The following CPQ variants were observed in gnomAD, a reference collection of about 807,000 sequenced individuals.
The protein encoded by CPQ is Ser-Met dipeptidase.
In CPQ, 37 loss-of-function variants were observed where a neutral mutation model predicts 45.7. The observed-to-expected ratio is 0.81, with a 90% CI of 0.62 to 1.07. The LOEUF (loss-of-function observed/expected upper bound fraction) is 1.07. CPQ is among the 50% of genes least tolerant of loss of function. CPQ has a pLI of 0.00. For missense variants in CPQ, 537 were observed against 572.9 expected (o/e 0.94, Z 0.64); for synonymous variants, 186 against 205.8 (o/e 0.90, Z 0.82).
chr8:96,770,989 G>T (rs1810535738), intron 1 of CPQ, among the ~76,000 whole-genome samples: 1 of 148,612 alleles, frequency 6.7e-6, no homozygotes, highest in Non-Finnish European at 1.5e-5. Flanking sequence ...ACTGTCTTGA[G>T]CTGTTGTAAC....
At chr8:96,660,949 T>C (rs892634736) in intron 1 of CPQ, among the ~76,000 whole-genome samples, 6 of 152,208 alleles carry the variant, frequency 3.9e-5, no homozygotes, top group Non-Finnish European at 1.5e-5. Flanking sequence ...ATTTATTTTG[T>C]TTTATATGAT....
intron 1 of CPQ, among the ~76,000 whole-genome samples, chr8:96,688,944 C>T (rs1195987711): frequency 3.3e-5 from 5 of 152,120 alleles, no homozygotes; most frequent in Non-Finnish European, 7.4e-5. Context: ...TGACCATTCT[C>T]AGCATGTAGG....
intron 2 of CPQ, among the ~76,000 whole-genome samples, chr8:96,821,230 T>C (rs1221532674): frequency 1.3e-5 from 2 of 149,638 alleles, no homozygotes; most frequent in South Asian, 2.2e-4. Context: ...ATATTTTCTC[T>C]CATTCTGTGT....
chr8:96,717,024 A>AATATATATATATATATAT (rs58338307), intron 1 of CPQ, among the ~76,000 whole-genome samples: 23 of 56,570 alleles, frequency 4.1e-4, no homozygotes, highest in Non-Finnish European at 4.2e-4. Flanking sequence ...CCATGATATA[A>AATATATATATATATATAT]ATATATATAT....
chr8:96,924,227 C>A (rs1812844483), intron 4 of CPQ, among the ~76,000 whole-genome samples: 1 of 152,132 alleles, frequency 6.6e-6, no homozygotes, highest in Non-Finnish European at 1.5e-5. Context: ...TGTTACCACC[C>A]CCAACTGCCT....
intron 1 of CPQ, among the ~76,000 whole-genome samples, chr8:96,782,410 C>T (rs1435691924): frequency 6.6e-6 from 1 of 152,110 alleles, no homozygotes; most frequent in Admixed American, 6.6e-5. Context: ...ATGTGGGGAA[C>T]AGACATTTGG....
chr8:96,926,588 T>TTCTTCTTCC (rs1554578102), intron 4 of CPQ, among the ~76,000 whole-genome samples: 36 of 119,634 alleles, frequency 3.0e-4, no homozygotes, highest in African/African-American at 1.3e-3. Context: ...CTTCTTCTTC[T>TTCTTCTTCC]TCTTCTTCTT....
chr8:96,666,563 T>C (rs1808927629), intron 1 of CPQ, among the ~76,000 whole-genome samples: 1 of 151,984 alleles, frequency 6.6e-6, no homozygotes, highest in African/African-American at 2.4e-5. Context: ...AGGACTACCC[T>C]AAAGAAAATA....
intron 7 of CPQ, among the ~76,000 whole-genome samples, chr8:97,079,577 A>G (rs996765955): frequency 1.3e-5 from 2 of 152,168 alleles, no homozygotes; most frequent in Non-Finnish European, 2.9e-5. Flanking sequence ...ATTAACATAT[A>G]CAGTCTGTTT....
chr8:97,059,864 G>T (rs1016349983), intron 6 of CPQ, among the ~76,000 whole-genome samples: 1 of 152,146 alleles, frequency 6.6e-6, no homozygotes, highest in African/African-American at 2.4e-5. Flanking sequence ...AAAATTGATT[G>T]CCCTGTGTCA....
At position 96,920,992 on chromosome 8, in the gene CPQ, A is replaced by T. The variant is rs577516653; in HGVS notation, c.849+40987A>T. Among the ~76,000 whole-genome samples the T allele has an allele frequency of 2.0e-5, 3 of 152,234 alleles. No homozygotes were observed. The East Asian group carries it at 5.8e-4, about 29-fold the overall frequency. The stretch of plus-strand genomic sequence containing the variant: ...AGCAAAATTTAGACTGGAATTTCTG[A>T]TTTATTTTATTCTGTATAGCTTATA... On this transcript the variant is annotated intron_variant, in intron 4 of 7. Coordinates refer to ENST00000220763, the MANE Select transcript of CPQ (RefSeq NM_016134.4).
intron 4 of CPQ, among the ~76,000 whole-genome samples, chr8:96,937,678 C>T (rs1023475875): frequency 6.6e-6 from 1 of 152,122 alleles, no homozygotes; most frequent in Non-Finnish European, 1.5e-5. Context: ...AGGATCCAGC[C>T]GACAGTCCAG....
chr8:96,738,858 C>T (rs1022505249), intron 1 of CPQ, among the ~76,000 whole-genome samples: 2 of 151,988 alleles, frequency 1.3e-5, no homozygotes, highest in African/African-American at 4.8e-5. Flanking sequence ...TCCAGTCTAT[C>T]ATTGTTGGAC....
At chr8:96,876,720 T>C (rs1439519280) in intron 3 of CPQ, among the ~76,000 whole-genome samples, 1 of 152,220 alleles carries the variant, frequency 6.6e-6, no homozygotes, top group African/African-American at 2.4e-5. Flanking sequence ...TAAAATAGTA[T>C]ATTACATCAA....
intron 2 of CPQ, among the ~76,000 whole-genome samples, chr8:96,816,804 G>T (rs1811234204): frequency 6.6e-6 from 1 of 152,042 alleles, no homozygotes; most frequent in Non-Finnish European, 1.5e-5. Flanking sequence ...GTAATATTTT[G>T]AAAGGATTTT....
chr8:96,802,177 T>G (rs1811014509), intron 2 of CPQ, among the ~76,000 whole-genome samples: 1 of 152,158 alleles, frequency 6.6e-6, no homozygotes, highest in Non-Finnish European at 1.5e-5. Flanking sequence ...CTCTCCTAGT[T>G]TCTGGTTCAT....
intron 5 of CPQ, among the ~76,000 whole-genome samples, chr8:96,982,855 A>G (rs1216488043): frequency 6.6e-6 from 1 of 152,242 alleles, no homozygotes; most frequent in Non-Finnish European, 1.5e-5. Context: ...CACAACTTGC[A>G]AAACTAGAAA....
At chr8:96,768,377 AGCTGC>A (rs1810496264) in intron 1 of CPQ, among the ~76,000 whole-genome samples, 1 of 151,530 alleles carries the variant, frequency 6.6e-6, no homozygotes, top group East Asian at 1.9e-4. Context: ...CGCCACGGAG[AGCTGC>A]TCTTTTTCCT....
At chr8:96,718,396 G>A (rs1809713582) in intron 1 of CPQ, among the ~76,000 whole-genome samples, 1 of 152,156 alleles carries the variant, frequency 6.6e-6, no homozygotes, top group Admixed American at 6.5e-5. Flanking sequence ...TGGCTCAGGA[G>A]TGAAGCTGCA....
Sources: allele counts gnomAD v4.1 joint callset (sites outside exome capture counted in the v4.1 genomes callset), GRCh38; gene constraint gnomAD v4.1.1; transcripts MANE v1.5; gene names NCBI Gene and HGNC (gene_info 2026-07-23, HGNC 2026-07-21).